The following AOPEP variants were observed in gnomAD, a reference collection of about 807,000 sequenced individuals.
AOPEP encodes the protein aminopeptidase O.
AOPEP carries 77 observed loss-of-function variants against 98.1 expected under a neutral mutation model. That is an observed-to-expected ratio of 0.78 (90% CI 0.65 to 0.95). The LOEUF is 0.95. AOPEP is among the 40% of genes least tolerant of loss of function. The probability of loss-of-function intolerance (pLI) is 0.00; values close to 1 mark genes in which losing one functional copy is unlikely to be tolerated. For missense variants in AOPEP, 1,024 were observed against 1,024.7 expected, an observed-to-expected ratio of 1.00 and a Z score of 0.01; for synonymous variants, 346 against 365.3, an observed-to-expected ratio of 0.95 and a Z score of 0.60.
intron 13 of AOPEP, among the ~76,000 whole-genome samples, chr9:95,012,991 G>GGGT (rs1554803923): frequency 2.9e-5 from 4 of 139,614 alleles, no homozygotes; most frequent in Non-Finnish European, 6.2e-5. Context: ...TTTTTTTGGG[G>GGGT]GGGGGGGCAG....
chr9:95,096,084 AAC>A, the AOPEP span, among the ~76,000 whole-genome samples: 1 of 152,118 alleles, frequency 6.6e-6, no homozygotes, highest in African/African-American at 2.4e-5. Context: ...GGCTTCTCAG[AAC>A]ACACAGATCC....
At chr9:95,059,697 G>C (rs1243773404) in intron 13 of AOPEP, among the ~76,000 whole-genome samples, 4 of 152,172 alleles carry the variant, frequency 2.6e-5, no homozygotes. Flanking sequence ...CTGTTGACTT[G>C]ATATCAGCTT....
At chr9:95,138,615 T>C in the AOPEP span, among the ~76,000 whole-genome samples, 1 of 152,216 alleles carries the variant, frequency 6.6e-6, no homozygotes, top group African/African-American at 2.4e-5. Context: ...CGAATCTGTA[T>C]GTCACTGGAA....
At chr9:94,891,196 G>T (rs2136055969) in intron 5 of AOPEP, among the ~76,000 whole-genome samples, 1 of 152,220 alleles carries the variant, frequency 6.6e-6, no homozygotes, top group East Asian at 1.9e-4. Flanking sequence ...ACTTTTCTTT[G>T]CTCAGAAGTC....
chr9:95,069,050 T>C (rs1469040740), intron 14 of AOPEP, among the ~76,000 whole-genome samples: 10 of 150,804 alleles, frequency 6.6e-5, no homozygotes, highest in Non-Finnish European at 1.3e-4. Flanking sequence ...CCAACACGAG[T>C]CTACACTTGC....
chr9:95,107,331 A>G, the AOPEP span: 5 of 1,537,688 alleles, frequency 3.3e-6, no homozygotes, highest in South Asian at 4.7e-5. Flanking sequence ...TACTTCTAGG[A>G]TTTATTTATT....
intron 5 of AOPEP, among the ~76,000 whole-genome samples, chr9:94,856,220 T>C (rs1347388518): frequency 6.6e-6 from 1 of 152,176 alleles, no homozygotes. Context: ...GGTATAGTGT[T>C]AGCACAGGTT....
intron 2 of AOPEP, among the ~76,000 whole-genome samples, chr9:94,768,458 C>T (rs748294470): frequency 1.3e-5 from 2 of 152,356 alleles, no homozygotes; most frequent in African/African-American, 2.4e-5. Context: ...CGTTTGGTTG[C>T]GTAGCTCCTC....
At chr9:94,799,464 G>A (rs148476622) in intron 4 of AOPEP, among the ~76,000 whole-genome samples, 2,267 of 151,978 alleles carry the variant, frequency 0.015, 55 homozygotes, top group African/African-American at 0.052. Context: ...TAGCTACTCA[G>A]GAGGCTGAGG....
At chr9:94,999,728 G>C (rs1018311978) in intron 11 of AOPEP, among the ~76,000 whole-genome samples, 4 of 152,158 alleles carry the variant, frequency 2.6e-5, no homozygotes, top group Admixed American at 2.6e-4. Context: ...GGATTTTAGA[G>C]TATCCAGACT....
intron 2 of AOPEP, chr9:94,763,076 C>T (rs1264719114): frequency 7.3e-5 from 32 of 437,186 alleles, no homozygotes; most frequent in East Asian, 4.4e-4. Flanking sequence ...CAGTTATACC[C>T]GCTCTAAGTT....
chr9:95,056,706 T>C (rs1332535626), intron 13 of AOPEP, among the ~76,000 whole-genome samples: 1 of 152,244 alleles, frequency 6.6e-6, no homozygotes, highest in East Asian at 1.9e-4. Flanking sequence ...GCGTCGACTC[T>C]GAAGTTGGGA....
chr9:94,996,696 T>C (rs930432053), intron 11 of AOPEP, among the ~76,000 whole-genome samples: 3 of 152,208 alleles, frequency 2.0e-5, no homozygotes, highest in African/African-American at 7.2e-5. Flanking sequence ...TGGTGAAATA[T>C]CAACATCTGA....
chr9:95,109,101 G>A, the AOPEP span, among the ~76,000 whole-genome samples: 6 of 152,006 alleles, frequency 3.9e-5, no homozygotes, highest in African/African-American at 1.2e-4. Context: ...TTTTTGTAGA[G>A]ACAGGGGTCT....
rs181921635 is a variant in AOPEP at position 94,856,823 on chromosome 9, T to C, written c.1364+55821T>C. The stretch of plus-strand genomic sequence containing the variant: ...GTAGCTTGTCATTCATTATTTAAGC[T>C]GGTAGACACACCTCTAGCATCTGAA... On this transcript the variant is annotated intron_variant, in intron 5 of 16. Coordinates refer to ENST00000375315, the MANE Select transcript of AOPEP (RefSeq NM_001193329.3). 1.2e-4 allele frequency among the ~76,000 whole-genome samples: 19 copies of C among 152,298 alleles called. No individual in the cohort carries two copies. In the East Asian group the frequency reaches 3.1e-3, roughly 25 times the overall value.
At chr9:95,088,644 G>A (rs975606704), downstream of AOPEP, among the ~76,000 whole-genome samples, 1 of 152,234 alleles carries the variant, frequency 6.6e-6, no homozygotes, top group Non-Finnish European at 1.5e-5. Context: ...CTTGGCACCT[G>A]GAGCTCTCAA....
intron 5 of AOPEP, among the ~76,000 whole-genome samples, chr9:94,910,806 G>A (rs970306480): frequency 6.6e-6 from 1 of 152,130 alleles, no homozygotes; most frequent in African/African-American, 2.4e-5. Flanking sequence ...CAGTCTATTA[G>A]GATGAGCCAT....
At position 95,086,983 on chromosome 9, in the gene AOPEP, G is replaced by A. The variant is rs144624528; in HGVS notation, c.*306G>A. The stretch of plus-strand genomic sequence containing the variant: ...TGATTAAATATATCCAAGAGACATT[G>A]GAAAACCTGCTGAACATTTTACATT... On this transcript the variant is annotated 3_prime_UTR_variant, in exon 17 of 17. Coordinates refer to ENST00000375315, the MANE Select transcript of AOPEP (RefSeq NM_001193329.3). 328 of 982,746 alleles carry A rather than the reference G, an allele frequency of 3.3e-4. No individual in the cohort carries two copies. The African/African-American group carries it at 4.4e-3, about 13-fold the overall frequency. 60.9% of individuals were successfully genotyped at this position (982,746 alleles called of 1,614,324 possible). A position where few individuals can be genotyped will look rare whatever the true frequency, so the allele number is the denominator to read the frequency against.
At chr9:95,005,480 C>A (rs1029652951) in intron 12 of AOPEP, 62 bp from the exon 13 acceptor site, 23 of 1,481,506 alleles carry the variant, frequency 1.6e-5, no homozygotes, top group Non-Finnish European at 2.2e-5. Flanking sequence ...CTTTCTCGCG[C>A]TGGGGGATGG....
Sources: gnomAD v4.1 joint callset for allele counts (sites outside exome capture counted in the v4.1 genomes callset) on GRCh38, gnomAD v4.1.1 for gene constraint, MANE v1.5 for transcripts, NCBI Gene and HGNC (gene_info 2026-07-23, HGNC 2026-07-21) for gene names.